COL11A1: variants seen among roughly 807,000 people sequenced by gnomAD.
COL11A1 encodes the protein collagen type XI alpha 1 chain.
In COL11A1, 74 loss-of-function variants were observed where a neutral mutation model predicts 265.2. The observed-to-expected ratio is 0.28, with a 90% confidence interval of 0.23 to 0.34. The LOEUF is 0.34. Among genes scored for constraint, COL11A1 ranks in the 10% least tolerant of loss-of-function variants. COL11A1 has a pLI of 1.00. For synonymous variants in COL11A1, 816 were observed against 727.6 expected (o/e 1.12, Z -1.96); for missense variants, 2,165 against 2,263.6 (o/e 0.96, Z 0.88).
intron 4 of COL11A1, among the ~76,000 whole-genome samples, 179 bp downstream of exon 4, chr1:103,074,439 A>G (rs1042159524): frequency 6.6e-6 from 1 of 152,146 alleles, no homozygotes; most frequent in African/African-American, 2.4e-5. Flanking sequence ...TTGTCTGGTC[A>G]TTCTCTTACT....
At chr1:102,880,336 G>T (rs1650077487) in intron 65 of COL11A1, among the ~76,000 whole-genome samples, 1 of 152,066 alleles carries the variant, frequency 6.6e-6, no homozygotes, top group Non-Finnish European at 1.5e-5. Flanking sequence ...GTTTGATTTT[G>T]ACTATTCCTT....
intron 9 of COL11A1, among the ~76,000 whole-genome samples, chr1:103,019,654 T>A (rs1421158899): frequency 6.6e-6 from 1 of 151,818 alleles, no homozygotes; most frequent in Non-Finnish European, 1.5e-5. Context: ...TAGTTACATA[T>A]GTATACATGT....
In COL11A1 at chr1:103,022,777, C is replaced by T. The variant is rs1156500992; in HGVS notation, c.1210G>A (p.Gly404Ser). 8.7e-6 allele frequency: 14 copies of T among 1,613,552 alleles called. No individual in the cohort carries two copies. Among genetic ancestry groups the T allele is most frequent in the East Asian group, 2.2e-5 (1 of 44,844 alleles). ...GTAATATCAGTTTCTGCTGGTACACCTGGACCAAATTCTTCATTAGGGGGG... is the reference window on the plus strand; with the variant it reads ...GTAATATCAGTTTCTGCTGGTACACTTGGACCAAATTCTTCATTAGGGGGG... ...TSPPNEEFGP[G>S]VPAETDITET... The change falls in exon 8 of 67, where the codon GGT becomes AGT. Residue 404 changes from glycine (G) to serine (S), a missense_variant. By Grantham distance (56) the Gly-to-Ser change is moderately conservative. Transcript: ENST00000370096.
chr1:103,094,385 T>G (rs1673574107), intron 1 of COL11A1, among the ~76,000 whole-genome samples: 1 of 152,158 alleles, frequency 6.6e-6, no homozygotes, highest in Non-Finnish European at 1.5e-5. Flanking sequence ...ACATAGACCC[T>G]TCTATGATAT....
rs543545832 is a variant in COL11A1, at chr1:102,887,637, T to C, written c.4609-581A>G. Among the ~76,000 whole-genome samples, 9 of 152,308 alleles carry C rather than the reference T, an allele frequency of 5.9e-5. No homozygotes were observed. The South Asian group carries it at 8.3e-4, about 14-fold the overall frequency. ...ATATCAAATAGTTATCATATTGTCA[T>C]GGGTTGAATTGTATCCCACAAAAAT... On this transcript the variant is annotated intron_variant, in intron 62 of 66. Transcript: ENST00000370096.
intron 4 of COL11A1, among the ~76,000 whole-genome samples, chr1:103,044,681 C>T (rs1669106154): frequency 1.3e-5 from 2 of 152,010 alleles, no homozygotes; most frequent in South Asian, 4.2e-4. Context: ...TATAGATGAC[C>T]TATACCCTTT....
chr1:102,981,247 A>T (rs1208531656), intron 31 of COL11A1, among the ~76,000 whole-genome samples: 1 of 152,166 alleles, frequency 6.6e-6, no homozygotes, highest in East Asian at 1.9e-4. Context: ...GGGGAAAAAA[A>T]TCTCTGCACA....
At chr1:103,076,512 C>T (rs1384680380) in intron 3 of COL11A1, among the ~76,000 whole-genome samples, 1 of 152,098 alleles carries the variant, frequency 6.6e-6, no homozygotes, top group Non-Finnish European at 1.5e-5. Flanking sequence ...CTCCTGGCAT[C>T]CCAGCCACAA....
intron 11 of COL11A1, 98 bp from the exon 12 acceptor site, chr1:103,015,840 G>A: frequency 2.2e-6 from 2 of 890,272 alleles, no homozygotes; most frequent in Non-Finnish European, 1.7e-6. Context: ...TATCTAATTT[G>A]CATTTGCCCT....
chr1:102,913,286 GATA>G (rs1654911369), intron 53 of COL11A1, among the ~76,000 whole-genome samples: 3 of 152,218 alleles, frequency 2.0e-5, no homozygotes, highest in African/African-American at 7.2e-5. Flanking sequence ...CTAATGATGG[GATA>G]ATAACTTTTG....
chr1:102,927,073 C>A (rs1017452340), intron 46 of COL11A1, among the ~76,000 whole-genome samples: 1 of 151,924 alleles, frequency 6.6e-6, no homozygotes, highest in Non-Finnish European at 1.5e-5. Context: ...GTTCATGATG[C>A]AATTTGTGTA....
chr1:103,026,498 A>T (rs1667530647), intron 5 of COL11A1, among the ~76,000 whole-genome samples, 166 bp from the exon 6 acceptor site: 1 of 152,216 alleles, frequency 6.6e-6, no homozygotes, highest in Admixed American at 6.5e-5. Context: ...ACTGTCTTAT[A>T]CAGAGTATAA....
At chr1:103,028,585 G>C (rs1342344487) in intron 5 of COL11A1, among the ~76,000 whole-genome samples, 2 of 152,040 alleles carry the variant, frequency 1.3e-5, no homozygotes, top group African/African-American at 4.8e-5. Flanking sequence ...TATGCAAAAA[G>C]ACAGGCAGTA....
intron 57 of COL11A1, among the ~76,000 whole-genome samples, chr1:102,896,329 G>GTA (rs34401121): frequency 0.088 from 13,350 of 151,944 alleles, 697 homozygotes; most frequent in Middle Eastern, 0.17. Flanking sequence ...ACCATAATAA[G>GTA]TTACTTCTCA....
chr1:102,887,480 T>C (rs1651139717), intron 62 of COL11A1, among the ~76,000 whole-genome samples: 1 of 152,206 alleles, frequency 6.6e-6, no homozygotes, highest in South Asian at 2.1e-4. Context: ...TGATAATTTA[T>C]ATTATAAAAC....
chr1:102,892,700 C>A (rs1009337122), intron 57 of COL11A1, among the ~76,000 whole-genome samples: 1 of 152,042 alleles, frequency 6.6e-6, no homozygotes, highest in Non-Finnish European at 1.5e-5. Context: ...TATAAATTAG[C>A]CCTTGTGTAA....
rs868310197 is a variant in COL11A1, at chr1:103,062,005, T to A, written c.651+12613A>T. Among the ~76,000 whole-genome samples, 33 of 151,980 alleles carry A rather than the reference T, an allele frequency of 2.2e-4. 1 individual carries two copies. The Middle Eastern group carries it at 0.017, about 78-fold the overall frequency. On this transcript the variant is annotated intron_variant, in intron 4 of 66. Transcript: ENST00000370096. ...TTATTGGCAGGAAAAAGAGGAGATATCACCACAGATCCCATGGACATTAAA... is the reference window on the plus strand; with the variant it reads ...TTATTGGCAGGAAAAAGAGGAGATAACACCACAGATCCCATGGACATTAAA...
At chr1:102,933,046 C>T (rs1314218163) in intron 46 of COL11A1, among the ~76,000 whole-genome samples, 5 of 142,102 alleles carry the variant, frequency 3.5e-5, no homozygotes, top group East Asian at 2.1e-4. Context: ...AATGTCCTCC[C>T]GTAGCTCAGA....
intron 46 of COL11A1, among the ~76,000 whole-genome samples, chr1:102,926,098 T>G (rs573415273): frequency 7.9e-5 from 12 of 152,228 alleles, no homozygotes; most frequent in Non-Finnish European, 1.3e-4. Flanking sequence ...TTAATTCAGT[T>G]AGATCATAGT....
Sources: gnomAD v4.1 joint callset for allele counts (sites outside exome capture counted in the v4.1 genomes callset) on GRCh38, gnomAD v4.1.1 for gene constraint, MANE v1.5 for transcripts, NCBI Gene and HGNC (gene_info 2026-07-23, HGNC 2026-07-21) for gene names.